NF2: variants seen among roughly 807,000 people sequenced by gnomAD.
NF2 encodes NF2, moesin-ezrin-radixin like (MERLIN) tumor suppressor.
Under a neutral mutation model 83.7 loss-of-function variants are expected in NF2, and 8 were observed. The ratio of observed to expected loss-of-function variants is 0.10; its 90% CI spans 0.06 to 0.17. The LOEUF (loss-of-function observed/expected upper bound fraction) is 0.17. Ranked by LOEUF, NF2 falls within the 10% of genes least tolerant of loss-of-function variation. NF2 has a pLI of 1.00. For missense variants in NF2, 533 were observed against 744.4 expected (o/e 0.72, Z 3.31); for synonymous variants, 266 against 269.6 (o/e 0.99, Z 0.13).
intron 4 of NF2, 30 bp from the exon 5 acceptor site, chr22:29,654,626 CA>C (rs1473011573): frequency 2.8e-5 from 44 of 1,598,766 alleles, no homozygotes; most frequent in Non-Finnish European, 3.3e-5. Flanking sequence ...TTTAGAATCT[CA>C]ATCGCCTGCT....
chr22:29,622,635 G>T (rs2065241649), intron 1 of NF2, among the ~76,000 whole-genome samples: 1 of 147,340 alleles, frequency 6.8e-6, no homozygotes, highest in African/African-American at 2.5e-5. Flanking sequence ...TTCAGTTTTG[G>T]AAGACCCTGT....
At chr22:29,605,448 A>G (rs907016578) in intron 1 of NF2, among the ~76,000 whole-genome samples, 1 of 151,850 alleles carries the variant, frequency 6.6e-6, no homozygotes, top group Non-Finnish European at 1.5e-5. Flanking sequence ...TGGTGCGATT[A>G]CAGATGTGAG....
chr22:29,683,669 T>A (rs2067206263), intron 15 of NF2: 1 of 1,077,878 alleles, frequency 9.3e-7, no homozygotes, highest in African/African-American at 1.6e-5. Context: ...GTGGACTGTC[T>A]GTTCATCTGT....
intron 15 of NF2, among the ~76,000 whole-genome samples, chr22:29,692,654 A>G (rs986496646): frequency 6.6e-6 from 1 of 152,196 alleles, no homozygotes; most frequent in Non-Finnish European, 1.5e-5. Flanking sequence ...CCTGGTAGGC[A>G]TGGAGGCCAG....
intron 3 of NF2, among the ~76,000 whole-genome samples, chr22:29,639,771 A>C (rs2065751977): frequency 6.7e-6 from 1 of 149,900 alleles, no homozygotes; most frequent in Non-Finnish European, 1.5e-5. Context: ...AGTCCCAGCT[A>C]CTCGGGAGGC....
chr22:29,653,766 A>G (rs1261981174), intron 4 of NF2, among the ~76,000 whole-genome samples: 2 of 152,122 alleles, frequency 1.3e-5, no homozygotes, highest in African/African-American at 4.8e-5. Context: ...CTTGTGCCTG[A>G]CCTTTGTTTT....
chr22:29,643,441 T>C (rs1331147463), intron 4 of NF2, among the ~76,000 whole-genome samples: 1 of 152,138 alleles, frequency 6.6e-6, no homozygotes, highest in Non-Finnish European at 1.5e-5. Flanking sequence ...CCTGCGGACT[T>C]CCGCAGCGTT....
chr22:29,633,494 G>A (rs180781061), intron 1 of NF2, among the ~76,000 whole-genome samples: 140 of 152,180 alleles, frequency 9.2e-4, no homozygotes, highest in Non-Finnish European at 5.0e-4. Context: ...TCAGGGGTTG[G>A]CCTACTTTCT....
rs115481738 is a variant in NF2, at chr22:29,646,275, C to T, written c.447+3990C>T. On this transcript the variant is annotated intron_variant, in intron 4 of 15. Transcript: ENST00000338641. ...TTTATGAAATTTTTAGCCCACTTCT[C>T]GATGGAGAGGATTTCAGGCCAAATA... Among the ~76,000 whole-genome samples, 1,317 of 152,274 alleles carry T rather than the reference C, an allele frequency of 8.6e-3. 16 individuals carry two copies. The highest frequency in any genetic ancestry group is 0.03 in the African/African-American group (1,253 of 41,538).
intron 15 of NF2, chr22:29,683,867 A>G: frequency 9.5e-7 from 1 of 1,053,148 alleles, no homozygotes; most frequent in Admixed American, 5.5e-5. Context: ...ATGCCTAGGC[A>G]GTGGAGAGAA....
chr22:29,679,865 C>CA (rs1162770802), intron 14 of NF2, among the ~76,000 whole-genome samples: 18,832 of 117,088 alleles, frequency 0.16, 1,320 homozygotes, highest in Non-Finnish European at 0.19. Context: ...CACCCTGTCT[C>CA]AAAAAAAAAA....
intron 4 of NF2, among the ~76,000 whole-genome samples, chr22:29,642,838 T>G (rs1369180717): frequency 2.0e-5 from 3 of 152,218 alleles, no homozygotes; most frequent in Non-Finnish European, 4.4e-5. Context: ...CTGCTTCATC[T>G]GCCCCTGATT....
Position 29,695,207 on chromosome 22 carries a change from C to T in NF2, c.*405C>T. 2 of 392,216 alleles carry T rather than the reference C, an allele frequency of 5.1e-6. No individual in the cohort carries two copies. Among genetic ancestry groups the T allele is most frequent in the Non-Finnish European group, 9.6e-6 (2 of 209,338 alleles). The allele number at this position is 392,216 out of a possible 1,614,324, so 24.3% of individuals were successfully genotyped here. A position where few individuals can be genotyped will look rare whatever the true frequency, so the allele number is the denominator to read the frequency against. On this transcript the variant is annotated 3_prime_UTR_variant, in exon 16 of 16. Coordinates refer to ENST00000338641, the MANE Select transcript of NF2 (RefSeq NM_000268.4). The surrounding 1 kb of genome is among the most constrained non-coding windows in gnomAD (Gnocchi z 5.4). ...TGAGAAGCCAGTGCCATCATCCCCACCCCGCCCAGGGTTCCGGAACATTCA... is the reference window on the plus strand; with the variant it reads ...TGAGAAGCCAGTGCCATCATCCCCATCCCGCCCAGGGTTCCGGAACATTCA...
chr22:29,632,064 C>A (rs906312278), intron 1 of NF2, among the ~76,000 whole-genome samples: 3 of 152,150 alleles, frequency 2.0e-5, no homozygotes, highest in Non-Finnish European at 4.4e-5. Flanking sequence ...AAAATGGTCA[C>A]CAGATAACTT....
rs1169276398 is a variant in NF2 at position 29,668,379 on chromosome 22, G to A, written c.932G>A (p.Arg311Lys). 28 of 1,613,852 alleles carry A rather than the reference G, an allele frequency of 1.7e-5. No individual in the cohort carries two copies. Among genetic ancestry groups the A allele is most frequent in the Non-Finnish European group, 2.1e-5 (25 of 1,179,898 alleles). Residue 311 changes from arginine (R) to lysine (K), a missense_variant, in exon 10 of 16, where the codon AGG becomes AAG. By Grantham distance (26) the Arg-to-Lys change is conservative. Coordinates refer to ENST00000338641, the MANE Select transcript of NF2 (RefSeq NM_000268.4). Reference protein sequence around the residue: ...IGNHDLFMRRRKADSLEVQQM... With the variant: ...IGNHDLFMRRKKADSLEVQQM... Reference sequence around the variant, plus strand: ...AACCATGATCTATTTATGAGGAGAAGGAAAGCCGATTCTTTGGAAGTTCAG... The same window carrying A: ...AACCATGATCTATTTATGAGGAGAAAGAAAGCCGATTCTTTGGAAGTTCAG...
At chr22:29,666,662 A>C (rs1270549816) in intron 9 of NF2, among the ~76,000 whole-genome samples, 2 of 152,010 alleles carry the variant, frequency 1.3e-5, no homozygotes, top group Non-Finnish European at 2.9e-5. Flanking sequence ...AAAAAATGAA[A>C]ATAAATAAAA....
Position 29,694,668 on chromosome 22 carries a change from G to A in NF2, c.1738-84G>A, listed in dbSNP as rs2067495573. ...CCCTTTCGCTCCCAGCCACCTTTGAGGTGAGTCCAAGTGGCAGGACAGGAC... is the reference window on the plus strand; with the variant it reads ...CCCTTTCGCTCCCAGCCACCTTTGAAGTGAGTCCAAGTGGCAGGACAGGAC... On this transcript the variant is annotated intron_variant, in intron 15 of 15. Coordinates refer to ENST00000338641, the MANE Select transcript of NF2 (RefSeq NM_000268.4). The surrounding 1 kb of genome is among the most constrained non-coding windows in gnomAD (Gnocchi z 4.1). The A allele has an allele frequency of 7.0e-7, 1 of 1,425,296 alleles. No homozygotes were observed. The highest frequency in any genetic ancestry group is 1.8e-5 in the Admixed American group (1 of 54,270). 88.3% of individuals were successfully genotyped at this position (1,425,296 alleles called of 1,614,324 possible).
At chr22:29,660,571 T>A (rs1338379062) in intron 7 of NF2, among the ~76,000 whole-genome samples, 1 of 152,136 alleles carries the variant, frequency 6.6e-6, no homozygotes, top group African/African-American at 2.4e-5. Flanking sequence ...ACCTATGGGT[T>A]TTTTTTGTTT....
chr22:29,608,899 T>C (rs917728655), intron 1 of NF2: 4 of 521,114 alleles, frequency 7.7e-6, no homozygotes, highest in Non-Finnish European at 1.4e-5. Flanking sequence ...GAACCAGTAG[T>C]ATGGCATCGG....
Sources: gnomAD v4.1 joint callset for allele counts (sites outside exome capture counted in the v4.1 genomes callset) on GRCh38, gnomAD v4.1.1 for gene constraint, Gnocchi (gnomAD v3.1) non-coding constraint, MANE v1.5 for transcripts, NCBI Gene and HGNC (gene_info 2026-07-23, HGNC 2026-07-21) for gene names.